The following STAG1 variants were observed in gnomAD, a reference collection of about 807,000 sequenced individuals.
The protein encoded by STAG1 is cohesin subunit SA-1.
A neutral mutation model predicts 170.9 loss-of-function variants in STAG1; 26 were observed. That is an observed-to-expected ratio of 0.15 (90% CI 0.11 to 0.21). The LOEUF (loss-of-function observed/expected upper bound fraction) is 0.21. Among genes scored for constraint, STAG1 ranks in the 10% least tolerant of loss-of-function variants. The pLI, the probability that STAG1 is intolerant of heterozygous loss-of-function variation, is 1.00. For missense variants in STAG1, 964 were observed against 1,509.5 expected, an observed-to-expected ratio of 0.64 and a Z score of 5.99; for synonymous variants, 514 against 497.7, an observed-to-expected ratio of 1.03 and a Z score of -0.44.
chr3:136,371,337 T>C (rs1937328410), intron 23 of STAG1, among the ~76,000 whole-genome samples: 1 of 152,098 alleles, frequency 6.6e-6, no homozygotes, highest in Non-Finnish European at 1.5e-5. Context: ...TTTCTTTTGC[T>C]GTGCAGAAGC....
intron 4 of STAG1, among the ~76,000 whole-genome samples, chr3:136,596,557 A>G (rs1938437983): frequency 6.6e-6 from 1 of 152,204 alleles, no homozygotes. Context: ...TATATATCAT[A>G]TAAACCTTTG....
intron 20 of STAG1, among the ~76,000 whole-genome samples, chr3:136,418,598 T>A (rs1228167368): frequency 2.0e-5 from 3 of 151,882 alleles, no homozygotes; most frequent in Admixed American, 6.6e-5. Flanking sequence ...TAAGCTTATA[T>A]TCTATTCCAT....
At chr3:136,359,788 C>A (rs1003739563) in intron 26 of STAG1, among the ~76,000 whole-genome samples, 1 of 152,128 alleles carries the variant, frequency 6.6e-6, no homozygotes, top group Non-Finnish European at 1.5e-5. Flanking sequence ...GGATTACAGG[C>A]GTGAGCCACC....
At chr3:136,709,657 C>T (rs1184710724) in intron 1 of STAG1, among the ~76,000 whole-genome samples, 2 of 151,826 alleles carry the variant, frequency 1.3e-5, no homozygotes, top group African/African-American at 4.8e-5. Flanking sequence ...ATCACTTGAT[C>T]CCAGGAGTTC....
intron 11 of STAG1, 72 bp from the exon 12 acceptor site, chr3:136,472,564 A>T: frequency 9.5e-7 from 1 of 1,051,900 alleles, no homozygotes; most frequent in Non-Finnish European, 1.4e-6. Context: ...AATATAATGT[A>T]TTCTGGGATA....
At position 136,359,273 on chromosome 3, in the gene STAG1, C is replaced by T. The variant is rs1436642753; in HGVS notation, c.2811G>A (p.Glu937=). 1.3e-6 allele frequency: 2 copies of T among 1,592,124 alleles called. No individual in the cohort carries two copies. Among genetic ancestry groups the T allele is most frequent in the Non-Finnish European group, 1.7e-6 (2 of 1,169,870 alleles). ...LQQLFNELVQ[E]QGPNLDRTSA... The stretch of plus-strand genomic sequence containing the variant: ...ATGTCCTATCTAGGTTGGGACCTTG[C>T]TCTTGAACAAGTTCATTAAATAACT... The change falls in exon 27 of 34, where the codon GAG becomes GAA. Residue 937 remains glutamate, a synonymous_variant. Coordinates refer to ENST00000383202, the MANE Select transcript of STAG1 (RefSeq NM_005862.3).
At chr3:136,404,961 A>T (rs140698201) in intron 21 of STAG1, among the ~76,000 whole-genome samples, 51 of 152,196 alleles carry the variant, frequency 3.4e-4, no homozygotes, top group Middle Eastern at 3.4e-3. Context: ...TGACAGTGGA[A>T]AATCTGGGCT....
At chr3:136,340,188 C>T (rs1935910747) in intron 32 of STAG1, among the ~76,000 whole-genome samples, 2 of 152,082 alleles carry the variant, frequency 1.3e-5, no homozygotes. Flanking sequence ...GAGTTTCGCT[C>T]TTGTTGTCCA....
At chr3:136,521,853 T>A (rs2107906684) in intron 6 of STAG1, among the ~76,000 whole-genome samples, 1 of 152,322 alleles carries the variant, frequency 6.6e-6, no homozygotes, top group African/African-American at 2.4e-5. Flanking sequence ...GAAGTGAGAA[T>A]TTCAAAAGTA....
At chr3:136,465,335 TCAGC>T (rs1182594359) in intron 12 of STAG1, among the ~76,000 whole-genome samples, 1 of 149,700 alleles carries the variant, frequency 6.7e-6, no homozygotes, top group East Asian at 2.0e-4. Flanking sequence ...TTCTCCTGCC[TCAGC>T]CTCCTGAGTA....
chr3:136,570,497 T>C (rs1181573661), intron 4 of STAG1, among the ~76,000 whole-genome samples: 1 of 152,256 alleles, frequency 6.6e-6, no homozygotes, highest in Non-Finnish European at 1.5e-5. Flanking sequence ...AAAACTGTTA[T>C]GTACACACAT....
intron 3 of STAG1, among the ~76,000 whole-genome samples, chr3:136,620,235 AAAAAG>A (rs1939785557): frequency 6.6e-6 from 1 of 152,004 alleles, no homozygotes; most frequent in Admixed American, 6.6e-5. Context: ...TTAAACTTAA[AAAAAG>A]AAGTGATGAA....
chr3:136,467,892 C>A (rs1165621759), intron 12 of STAG1, among the ~76,000 whole-genome samples: 2 of 152,200 alleles, frequency 1.3e-5, no homozygotes, highest in Non-Finnish European at 2.9e-5. Flanking sequence ...AACTAAACAA[C>A]CTGCTCCTGA....
chr3:136,654,289 T>A (rs912400417), intron 1 of STAG1, among the ~76,000 whole-genome samples: 4 of 152,148 alleles, frequency 2.6e-5, no homozygotes, highest in Admixed American at 2.6e-4. Context: ...TAAAGCCAAG[T>A]AGCAGGATAC....
At chr3:136,746,620 C>T (rs1028877277) in intron 1 of STAG1, among the ~76,000 whole-genome samples, 6 of 152,154 alleles carry the variant, frequency 3.9e-5, no homozygotes, top group Non-Finnish European at 8.8e-5. Context: ...TTCTTTGTTC[C>T]ACCAATAATA....
intron 1 of STAG1, among the ~76,000 whole-genome samples, chr3:136,742,137 G>A (rs1934700957): frequency 6.6e-6 from 1 of 152,130 alleles, no homozygotes; most frequent in South Asian, 2.1e-4. Context: ...CTGATAGAAT[G>A]AGACAAAACA....
At chr3:136,751,174 T>G (rs995743190) in intron 1 of STAG1, among the ~76,000 whole-genome samples, 29 of 145,454 alleles carry the variant, frequency 2.0e-4, no homozygotes, top group South Asian at 6.3e-4. Context: ...CAAATTGCGT[T>G]TTTTTTTTTT....
intron 28 of STAG1, among the ~76,000 whole-genome samples, chr3:136,355,723 C>T (rs1167144810): frequency 6.6e-6 from 1 of 152,012 alleles, no homozygotes; most frequent in Non-Finnish European, 1.5e-5. Flanking sequence ...TAAAATAATA[C>T]AATGCATGAT....
intron 2 of STAG1, among the ~76,000 whole-genome samples, chr3:136,626,647 T>C (rs1015380226): frequency 6.6e-6 from 1 of 152,196 alleles, no homozygotes; most frequent in African/African-American, 2.4e-5. Flanking sequence ...TCAATCTTAT[T>C]TGTCTCTACT....
Sources: allele counts gnomAD v4.1 joint callset (sites outside exome capture counted in the v4.1 genomes callset), GRCh38; gene constraint gnomAD v4.1.1; transcripts MANE v1.5; gene names NCBI Gene and HGNC (gene_info 2026-07-23, HGNC 2026-07-21).